Variants in ARB2A observed in about 807,000 individuals in gnomAD.
ARB2A encodes the protein cotranscriptional regulator ARB2A.
the ARB2A span, among the ~76,000 whole-genome samples, chr5:93,854,878 C>G: frequency 2.6e-4 from 39 of 152,152 alleles, no homozygotes; most frequent in African/African-American, 4.6e-4. Flanking sequence ...TTACTTCCAA[C>G]TATGTGGTCA....
chr5:93,756,680 T>C, the ARB2A span, among the ~76,000 whole-genome samples: 1 of 152,102 alleles, frequency 6.6e-6, no homozygotes, highest in Admixed American at 6.6e-5. Flanking sequence ...GGGAGAGTAC[T>C]ACACCAAGGG....
the ARB2A span, among the ~76,000 whole-genome samples, chr5:93,870,990 G>A: frequency 6.6e-6 from 1 of 152,216 alleles, no homozygotes; most frequent in Non-Finnish European, 1.5e-5. Context: ...TTGTAAGACT[G>A]ATAGACAAAT....
At chr5:93,956,088 G>A in the ARB2A span, among the ~76,000 whole-genome samples, 2 of 152,290 alleles carry the variant, frequency 1.3e-5, no homozygotes, top group Admixed American at 1.3e-4. Flanking sequence ...AAGAATATTA[G>A]CGATGGCAAC....
At chr5:93,743,917 C>T in the ARB2A span, among the ~76,000 whole-genome samples, 5 of 152,092 alleles carry the variant, frequency 3.3e-5, no homozygotes, top group East Asian at 1.9e-4. Context: ...CCGCCTGCCT[C>T]GGCCTCCCAA....
chr5:93,757,367 T>C, the ARB2A span, among the ~76,000 whole-genome samples: 1 of 152,096 alleles, frequency 6.6e-6, no homozygotes, highest in Non-Finnish European at 1.5e-5. Flanking sequence ...AAATACAAGA[T>C]GCACAAAGAA....
At chr5:94,087,044 TAGA>T in the ARB2A span, among the ~76,000 whole-genome samples, 1 of 152,100 alleles carries the variant, frequency 6.6e-6, no homozygotes, top group Non-Finnish European at 1.5e-5. Context: ...GGACAAGATG[TAGA>T]AGTAGAAGAC....
the ARB2A span, among the ~76,000 whole-genome samples, chr5:93,839,265 T>C: frequency 6.6e-6 from 1 of 152,210 alleles, no homozygotes. Flanking sequence ...TTGAATTTTA[T>C]TGAAAGGCTT....
the ARB2A span, among the ~76,000 whole-genome samples, chr5:93,674,071 G>A: frequency 1.3e-5 from 2 of 152,234 alleles, no homozygotes; most frequent in African/African-American, 4.8e-5. Context: ...AAGCAACATA[G>A]TTATAATCAG....
At chr5:94,022,725 A>T in the ARB2A span, among the ~76,000 whole-genome samples, 53 of 152,352 alleles carry the variant, frequency 3.5e-4, no homozygotes, top group East Asian at 9.8e-3. Context: ...GCTTATCCTC[A>T]AAATAGGATG....
the ARB2A span, among the ~76,000 whole-genome samples, chr5:93,939,594 G>T: frequency 6.6e-6 from 1 of 151,944 alleles, no homozygotes; most frequent in Non-Finnish European, 1.5e-5. Context: ...CTACTTAACA[G>T]TATTTTCCCA....
the ARB2A span, among the ~76,000 whole-genome samples, chr5:93,630,449 G>T: frequency 6.6e-6 from 1 of 152,308 alleles, no homozygotes; most frequent in East Asian, 1.9e-4. Flanking sequence ...GACTGTAAAG[G>T]CAAGAAGTCA....
At chr5:93,987,471 C>T in the ARB2A span, among the ~76,000 whole-genome samples, 1 of 152,176 alleles carries the variant, frequency 6.6e-6, no homozygotes, top group Admixed American at 6.5e-5. Context: ...TTCATATCCT[C>T]TTAAGTCAGA....
At chr5:94,058,851 GT>G in the ARB2A span, among the ~76,000 whole-genome samples, 1 of 152,122 alleles carries the variant, frequency 6.6e-6, no homozygotes, top group Non-Finnish European at 1.5e-5. Flanking sequence ...CTAGTGGGAG[GT>G]GTTTGGGTCA....
At chr5:93,708,388 C>T in the ARB2A span, among the ~76,000 whole-genome samples, 50 of 152,232 alleles carry the variant, frequency 3.3e-4, no homozygotes, top group African/African-American at 1.1e-3. Flanking sequence ...TGAAGGGTCC[C>T]CTACATCAGC....
the ARB2A span, among the ~76,000 whole-genome samples, chr5:93,773,319 C>A: frequency 6.6e-6 from 1 of 152,172 alleles, no homozygotes; most frequent in African/African-American, 2.4e-5. Context: ...TGGATGGGAG[C>A]ACTATACTGG....
At chr5:93,795,286 AG>A in the ARB2A span, among the ~76,000 whole-genome samples, 3 of 152,166 alleles carry the variant, frequency 2.0e-5, no homozygotes, top group Non-Finnish European at 2.9e-5. Flanking sequence ...ACAGTCCTAA[AG>A]GCCAGTCTCA....
chr5:94,062,078 C>T, the ARB2A span, among the ~76,000 whole-genome samples: 1 of 152,036 alleles, frequency 6.6e-6, no homozygotes, highest in Non-Finnish European at 1.5e-5. Flanking sequence ...ACACATAGAT[C>T]CAGGAAACAA....
the ARB2A span, among the ~76,000 whole-genome samples, chr5:93,766,039 A>C: frequency 6.6e-6 from 1 of 152,222 alleles, no homozygotes; most frequent in Non-Finnish European, 1.5e-5. Context: ...AAATTAATTC[A>C]AGATGCATTA....
At chr5:94,081,862 C>CA in the ARB2A span, among the ~76,000 whole-genome samples, 125 of 143,608 alleles carry the variant, frequency 8.7e-4, no homozygotes, top group African/African-American at 1.6e-3. Context: ...AAGGCAGTCT[C>CA]AAAAAAAAAA....
Sources: allele counts gnomAD v4.1 joint callset (sites outside exome capture counted in the v4.1 genomes callset), GRCh38; gene constraint gnomAD v4.1.1; transcripts MANE v1.5; gene names NCBI Gene and HGNC (gene_info 2026-07-23, HGNC 2026-07-21).